MECOM: variants seen among roughly 807,000 people sequenced by gnomAD.
The protein encoded by MECOM is histone-lysine N-methyltransferase MECOM.
MECOM carries 13 observed loss-of-function variants against 116.3 expected under a neutral mutation model. The ratio of observed to expected loss-of-function variants is 0.11; its 90% CI spans 0.07 to 0.18. The LOEUF (loss-of-function observed/expected upper bound fraction) is 0.18, where lower values mean the gene tolerates loss of function less well. Among genes scored for constraint, MECOM ranks in the 10% least tolerant of loss-of-function variants. MECOM has a pLI of 1.00. For synonymous variants in MECOM, 528 were observed against 535.2 expected, an observed-to-expected ratio of 0.99 and a Z score of 0.19; for missense variants, 1,299 against 1,509.0, an observed-to-expected ratio of 0.86 and a Z score of 2.31.
At chr3:169,488,229 A>C (rs1752635440) in intron 1 of MECOM, among the ~76,000 whole-genome samples, 1 of 152,052 alleles carries the variant, frequency 6.6e-6, no homozygotes, top group Non-Finnish European at 1.5e-5. Flanking sequence ...GTCTGTATAC[A>C]AAAACTATTT....
chr3:169,321,935 C>T (rs575844136), intron 2 of MECOM, among the ~76,000 whole-genome samples: 60 of 152,254 alleles, frequency 3.9e-4, no homozygotes, highest in African/African-American at 1.2e-3. Context: ...AGGGAGCCAC[C>T]GAAGTGATTT....
At chr3:169,221,066 C>A (rs1300016584) in intron 2 of MECOM, among the ~76,000 whole-genome samples, 5 of 152,142 alleles carry the variant, frequency 3.3e-5, no homozygotes, top group Admixed American at 3.3e-4. Context: ...TCCATCTATG[C>A]CTTGTATTGG....
At chr3:169,362,056 C>A (rs573623646) in intron 2 of MECOM, among the ~76,000 whole-genome samples, 1 of 151,742 alleles carries the variant, frequency 6.6e-6, no homozygotes, top group Non-Finnish European at 1.5e-5. Context: ...TAGTTTCACA[C>A]GGGAGAAATG....
At chr3:169,092,407 C>A (rs1720010586) in intron 14 of MECOM, among the ~76,000 whole-genome samples, 1 of 151,520 alleles carries the variant, frequency 6.6e-6, no homozygotes, top group South Asian at 2.1e-4. Flanking sequence ...TACATATGTA[C>A]TATAATATGT....
At chr3:169,565,954 G>A (rs1292278483) in intron 1 of MECOM, 2 of 446,968 alleles carry the variant, frequency 4.5e-6, no homozygotes, top group Non-Finnish European at 8.9e-6. Flanking sequence ...AAGAAAAAAG[G>A]TTTAATCAAC....
At chr3:169,360,097 A>G (rs1439997513) in intron 2 of MECOM, among the ~76,000 whole-genome samples, 3 of 151,576 alleles carry the variant, frequency 2.0e-5, no homozygotes, top group Non-Finnish European at 3.0e-5. Flanking sequence ...ACTTTGGGCT[A>G]CTGTTACTTT....
chr3:169,363,656 T>G (rs1728684404), intron 2 of MECOM, among the ~76,000 whole-genome samples: 1 of 151,958 alleles, frequency 6.6e-6, no homozygotes, highest in East Asian at 1.9e-4. Flanking sequence ...GCTGGCAGAC[T>G]GCAGCCTGAA....
At chr3:169,520,675 C>T (rs6444856) in intron 1 of MECOM, among the ~76,000 whole-genome samples, 67,706 of 151,922 alleles carry the variant, frequency 0.45, 15,930 homozygotes, top group African/African-American at 0.59. Context: ...TTCTTTTATC[C>T]TTATTCTTCC....
At chr3:169,341,961 A>G (rs190704208) in intron 2 of MECOM, among the ~76,000 whole-genome samples, 1,615 of 152,228 alleles carry the variant, frequency 0.011, 27 homozygotes, top group Non-Finnish European at 0.012. Context: ...CCCCATACAT[A>G]TATACACCCA....
intron 1 of MECOM, among the ~76,000 whole-genome samples, chr3:169,510,869 C>T: frequency 6.6e-6 from 1 of 152,142 alleles, no homozygotes. Flanking sequence ...CTTAAATCCC[C>T]TGAGGGCAGA....
intron 1 of MECOM, among the ~76,000 whole-genome samples, chr3:169,614,312 T>C (rs1303496109): frequency 6.6e-6 from 1 of 151,926 alleles, no homozygotes; most frequent in Admixed American, 6.6e-5. Context: ...AACAGAGCTT[T>C]AGGTTTTCCT....
At chr3:169,543,973 C>T (rs1281097723) in intron 1 of MECOM, among the ~76,000 whole-genome samples, 1 of 152,176 alleles carries the variant, frequency 6.6e-6, no homozygotes, top group African/African-American at 2.4e-5. Context: ...GCAACCTCTG[C>T]CTCCTGGGTT....
At chr3:169,087,845 T>G (rs1312315651) in intron 16 of MECOM, among the ~76,000 whole-genome samples, 3 of 152,204 alleles carry the variant, frequency 2.0e-5, no homozygotes, top group Non-Finnish European at 4.4e-5. Flanking sequence ...AAATGGTACC[T>G]ATAGTCTTTA....
At chr3:169,438,610 C>G (rs62294341) in intron 1 of MECOM, among the ~76,000 whole-genome samples, 8,737 of 152,276 alleles carry the variant, frequency 0.057, 261 homozygotes, top group Non-Finnish European at 0.066. Flanking sequence ...GCCCCATGCT[C>G]TGGCCGGGCA....
At chr3:169,249,192 G>T (rs901663811) in intron 2 of MECOM, among the ~76,000 whole-genome samples, 1 of 152,190 alleles carries the variant, frequency 6.6e-6, no homozygotes, top group Non-Finnish European at 1.5e-5. Context: ...GTGGGCGAAT[G>T]AATGAATGAA....
intron 1 of MECOM, among the ~76,000 whole-genome samples, chr3:169,591,934 C>A (rs747720954): frequency 6.6e-6 from 1 of 152,074 alleles, no homozygotes; most frequent in Non-Finnish European, 1.5e-5. Context: ...CTCATAAAAT[C>A]AATGCTGTTG....
intron 1 of MECOM, among the ~76,000 whole-genome samples, chr3:169,644,040 C>G (rs144849115): frequency 6.6e-6 from 1 of 152,110 alleles, no homozygotes; most frequent in East Asian, 1.9e-4. Flanking sequence ...TTATTTCAAG[C>G]CTCAACTGTA....
intron 3 of MECOM, among the ~76,000 whole-genome samples, chr3:169,138,967 C>T (rs768567677): frequency 2.6e-5 from 4 of 151,992 alleles, no homozygotes; most frequent in South Asian, 2.1e-4. Context: ...CTAAGGAGAG[C>T]GAACGCGGGG....
intron 2 of MECOM, among the ~76,000 whole-genome samples, chr3:169,150,564 A>G (rs758886721): frequency 1.3e-5 from 2 of 152,252 alleles, no homozygotes; most frequent in African/African-American, 4.8e-5. Flanking sequence ...GCAAACATGT[A>G]TCAGGACAGA....
Sources: gnomAD v4.1 joint callset for allele counts (sites outside exome capture counted in the v4.1 genomes callset) on GRCh38, gnomAD v4.1.1 for gene constraint, MANE v1.5 for transcripts, NCBI Gene and HGNC (gene_info 2026-07-23, HGNC 2026-07-21) for gene names.